Variants in IGSF11 observed in about 807,000 individuals in gnomAD.
IGSF11 encodes the protein immunoglobulin superfamily member 11.
In IGSF11, 22 loss-of-function variants were observed where a neutral mutation model predicts 41.0. The observed-to-expected ratio is 0.54, with a 90% CI of 0.38 to 0.77. The LOEUF is 0.77. Ranked by LOEUF, IGSF11 falls within the 30% of genes least tolerant of loss-of-function variation. IGSF11 has a pLI of 0.00. For synonymous variants in IGSF11, 219 were observed against 201.3 expected (o/e 1.09, Z -0.74); for missense variants, 444 against 530.8 (o/e 0.84, Z 1.61).
chr3:119,008,698 G>C (rs1937713664), intron 1 of IGSF11, among the ~76,000 whole-genome samples: 1 of 152,158 alleles, frequency 6.6e-6, no homozygotes, highest in South Asian at 2.1e-4. Context: ...GAGGGTTAAT[G>C]TGCCAACTTG....
chr3:119,040,993 CTA>C (rs1226651514), intron 1 of IGSF11, among the ~76,000 whole-genome samples: 1 of 152,008 alleles, frequency 6.6e-6, no homozygotes, highest in East Asian at 1.9e-4. Context: ...TAAAATGCAG[CTA>C]GAGTATCTAT....
intron 1 of IGSF11, among the ~76,000 whole-genome samples, chr3:119,025,325 G>A (rs1290171109): frequency 6.6e-6 from 1 of 152,130 alleles, no homozygotes; most frequent in East Asian, 1.9e-4. Context: ...TTTTGCAAAT[G>A]AAAGCAGGCC....
At chr3:119,089,054 G>T (rs928975329) in intron 1 of IGSF11, among the ~76,000 whole-genome samples, 2 of 152,090 alleles carry the variant, frequency 1.3e-5, no homozygotes, top group Non-Finnish European at 2.9e-5. Context: ...AAATCGAGGA[G>T]TAGGAGCTCT....
intron 1 of IGSF11, among the ~76,000 whole-genome samples, chr3:119,045,434 G>A (rs1319550629): frequency 2.0e-5 from 3 of 152,212 alleles, no homozygotes; most frequent in African/African-American, 7.2e-5. Context: ...GCGCTTTTGC[G>A]ACGGGCTTAA....
intron 1 of IGSF11, among the ~76,000 whole-genome samples, chr3:119,083,469 AT>A (rs1476631871): frequency 2.0e-5 from 3 of 151,520 alleles, no homozygotes; most frequent in Admixed American, 6.6e-5. Flanking sequence ...AACTGACCTA[AT>A]TGATCTATAG....
At chr3:119,103,672 G>C (rs1204593221) in intron 1 of IGSF11, among the ~76,000 whole-genome samples, 1 of 151,670 alleles carries the variant, frequency 6.6e-6, no homozygotes, top group Non-Finnish European at 1.5e-5. Context: ...CCAATGCAGA[G>C]TCTCTTTGGT....
intron 1 of IGSF11, among the ~76,000 whole-genome samples, chr3:119,102,714 AT>A (rs2076956559): frequency 6.6e-6 from 1 of 151,522 alleles, no homozygotes; most frequent in African/African-American, 2.4e-5. Context: ...TTTTTTGTGG[AT>A]TCTGTTTCAT....
intron 1 of IGSF11, among the ~76,000 whole-genome samples, chr3:119,097,433 G>GGTTGAT (rs1347266668): frequency 6.6e-6 from 1 of 152,046 alleles, no homozygotes; most frequent in African/African-American, 2.4e-5. Context: ...CCTCTGGGGA[G>GGTTGAT]CAAACTGCTT....
chr3:119,064,898 A>T (rs956529084), intron 1 of IGSF11, among the ~76,000 whole-genome samples: 3 of 152,174 alleles, frequency 2.0e-5, no homozygotes, highest in African/African-American at 7.2e-5. Context: ...TCACTTATTG[A>T]TTCTAATAGT....
At chr3:119,012,583 G>A (rs11926371) in intron 1 of IGSF11, among the ~76,000 whole-genome samples, 33,143 of 151,992 alleles carry the variant, frequency 0.22, 4,548 homozygotes, top group African/African-American at 0.39. Context: ...TACAACACCA[G>A]TAACCTCTCA....
At chr3:118,923,843 A>G (rs1325245954) in intron 4 of IGSF11, among the ~76,000 whole-genome samples, 1 of 152,198 alleles carries the variant, frequency 6.6e-6, no homozygotes, top group East Asian at 1.9e-4. Flanking sequence ...CAGTACATAT[A>G]TTAGGAGGTA....
At chr3:119,031,086 G>A (rs1307143626) in intron 1 of IGSF11, among the ~76,000 whole-genome samples, 4 of 151,966 alleles carry the variant, frequency 2.6e-5, no homozygotes, top group African/African-American at 7.3e-5. Context: ...GTGAAACCCC[G>A]TCTCTACTAA....
intron 1 of IGSF11, among the ~76,000 whole-genome samples, chr3:118,976,435 C>T (rs111525159): frequency 0.012 from 1,807 of 152,222 alleles, 40 homozygotes; most frequent in African/African-American, 0.041. Context: ...AAGGCATGAC[C>T]CCAAAACCAC....
intron 1 of IGSF11, among the ~76,000 whole-genome samples, chr3:118,979,499 C>T (rs966050758): frequency 1.3e-4 from 20 of 152,050 alleles, no homozygotes; most frequent in Admixed American, 1.2e-3. Flanking sequence ...GAAACTAGAA[C>T]ACTATCTCTC....
intron 1 of IGSF11, chr3:118,946,067 GAGA>G (rs1217688944): frequency 6.6e-6 from 1 of 152,076 alleles, no homozygotes. Flanking sequence ...CCCAGATACA[GAGA>G]AGAACTTTTA....
chr3:119,106,253 T>C (rs2077020717), upstream of IGSF11, among the ~76,000 whole-genome samples: 1 of 152,206 alleles, frequency 6.6e-6, no homozygotes, highest in African/African-American at 2.4e-5. Flanking sequence ...TGCAATTAAA[T>C]TGTTATTGAC....
At chr3:119,131,832 A>T (rs1191634534) in intron 1 of IGSF11, among the ~76,000 whole-genome samples, 1 of 152,266 alleles carries the variant, frequency 6.6e-6, no homozygotes, top group Non-Finnish European at 1.5e-5. Context: ...AGGGAAGCCC[A>T]TCAGACTAAC....
intron 1 of IGSF11, among the ~76,000 whole-genome samples, chr3:118,931,744 T>TC (rs987535766): frequency 6.6e-6 from 1 of 151,534 alleles, no homozygotes; most frequent in Non-Finnish European, 1.5e-5. Flanking sequence ...CTGATTTTTT[T>TC]TTTTTTTTTG....
In IGSF11 at chr3:118,969,622, A is replaced by G. The variant is rs192453632; in HGVS notation, c.53-39347T>C. ...AGGTACTAGGGCAAAGCAAAAACTC[A>G]GGTGTGCAAGCAATTGGGAGTTTAT... On this transcript the variant is annotated intron_variant, in intron 1 of 6. Transcript: ENST00000393775. 2.0e-5 allele frequency among the ~76,000 whole-genome samples: 3 copies of G among 152,348 alleles called. No individual in the cohort carries two copies. In the East Asian group the frequency reaches 5.8e-4, roughly 29 times the overall value.
Sources: allele counts gnomAD v4.1 joint callset (sites outside exome capture counted in the v4.1 genomes callset), GRCh38; gene constraint gnomAD v4.1.1; transcripts MANE v1.5; gene names NCBI Gene and HGNC (gene_info 2026-07-23, HGNC 2026-07-21).